Variants in TMEM220 observed in about 807,000 individuals in gnomAD.
The protein encoded by TMEM220 is transmembrane protein 220.
A neutral mutation model predicts 21.7 loss-of-function variants in TMEM220; 21 were observed. That is an observed-to-expected ratio of 0.97 (90% CI 0.69 to 1.39). The LOEUF (loss-of-function observed/expected upper bound fraction) is 1.39. Ranked by LOEUF, TMEM220 falls within the 40% of genes most tolerant of loss-of-function variation. The pLI is 0.00. For synonymous variants in TMEM220, 80 were observed against 73.6 expected (o/e 1.09, Z -0.45); for missense variants, 191 against 201.9 (o/e 0.95, Z 0.33).
intron 1 of TMEM220, 120 bp from the exon 2 acceptor site, chr17:10,729,180 G>C (rs1222547006): frequency 8.6e-7 from 1 of 1,164,416 alleles, no homozygotes; most frequent in African/African-American, 1.5e-5. Context: ...TAGGCATCGA[G>C]GGTACAAAAT....
In TMEM220 at chr17:10,729,840, C is replaced by CG; in HGVS notation, c.11dup (p.Leu5AlafsTer23). 1 of 1,376,040 alleles carries CG rather than the reference C, an allele frequency of 7.3e-7. No individual in the cohort carries two copies. Among genetic ancestry groups the CG allele is most frequent in the Non-Finnish European group, 9.5e-7 (1 of 1,056,498 alleles). The allele number at this position is 1,376,040 out of a possible 1,614,324, so 85.2% of individuals were successfully genotyped here. A position where few individuals can be genotyped will look rare whatever the true frequency, so the allele number is the denominator to read the frequency against. On this transcript the variant is annotated frameshift_variant, in exon 1 of 6. Transcript: ENST00000341871. LOFTEE classifies it high-confidence loss of function. ...TGAGTCCGTTGCAGGCCCGCCACAG[C>CG]GCTGGCGCCATGGCTCGGAGAACAC...
At chr17:10,727,500 G>C (rs2075061683) in intron 2 of TMEM220, among the ~76,000 whole-genome samples, 1 of 152,204 alleles carries the variant, frequency 6.6e-6, no homozygotes, top group South Asian at 2.1e-4. Flanking sequence ...CTGAGGAGCA[G>C]TGTGACATGC....
chr17:10,718,976 G>A (rs1464374643), intron 5 of TMEM220, among the ~76,000 whole-genome samples: 7 of 152,146 alleles, frequency 4.6e-5, no homozygotes, highest in Non-Finnish European at 1.0e-4. Context: ...TTGTTTGTTA[G>A]TAACTGAGAG....
chr17:10,720,281 T>C (rs2074972148), intron 5 of TMEM220, among the ~76,000 whole-genome samples: 1 of 152,222 alleles, frequency 6.6e-6, no homozygotes, highest in Non-Finnish European at 1.5e-5. Context: ...CAGCACTATT[T>C]TTAATAGCAA....
At chr17:10,723,901 A>G (rs2075020695) in intron 4 of TMEM220, among the ~76,000 whole-genome samples, 1 of 152,202 alleles carries the variant, frequency 6.6e-6, no homozygotes, top group Admixed American at 6.5e-5. Context: ...TACATAGAAT[A>G]AAAAACAATC....
intron 5 of TMEM220, among the ~76,000 whole-genome samples, chr17:10,719,901 T>C (rs1486077200): frequency 6.6e-6 from 1 of 152,198 alleles, no homozygotes; most frequent in African/African-American, 2.4e-5. Flanking sequence ...TAAACCTACA[T>C]TGCTCAGAGA....
chr17:10,723,963 T>G (rs1010550154), intron 4 of TMEM220, among the ~76,000 whole-genome samples: 2 of 152,228 alleles, frequency 1.3e-5, no homozygotes, highest in Non-Finnish European at 2.9e-5. Context: ...CTATAACCCA[T>G]GGGCTTCATG....
chr17:10,726,137 G>T, intron 3 of TMEM220, 67 bp downstream of exon 3: 2 of 1,364,462 alleles, frequency 1.5e-6, no homozygotes, highest in Non-Finnish European at 2.1e-6. Context: ...GAGTTGGGCA[G>T]ATAGACCCTC....
intron 5 of TMEM220, among the ~76,000 whole-genome samples, chr17:10,720,618 A>G (rs942794737): frequency 1.3e-4 from 19 of 151,932 alleles, no homozygotes; most frequent in Admixed American, 9.2e-4. Context: ...TATAGATTTG[A>G]CTTTTGAGCC....
At position 10,715,511 on chromosome 17, in the gene TMEM220, A is replaced by AT; in HGVS notation, c.424dup (p.Ile142AsnfsTer4). The AT allele has an allele frequency of 6.2e-7, 1 of 1,606,620 alleles. No homozygotes were observed. The highest frequency in any genetic ancestry group is 8.5e-7 in the Non-Finnish European group (1 of 1,178,340). On this transcript the variant is annotated frameshift_variant, in exon 6 of 6. Transcript: ENST00000341871. LOFTEE classifies it high-confidence loss of function. ...GGACCGCATTTCCTTGTTAATATAT[A>AT]TGTAGACCCATGAGATAAATGGGAA...
chr17:10,711,423 A>T (rs1342213490), downstream of TMEM220, among the ~76,000 whole-genome samples: 1 of 151,856 alleles, frequency 6.6e-6, no homozygotes, highest in South Asian at 2.1e-4. Context: ...GCCCTACCTG[A>T]TTTTTTTTAA....
In TMEM220 at chr17:10,715,533, G is replaced by C; in HGVS notation, c.403C>G (p.Pro135Ala). ...TATATGTAGACCCATGAGATAAATG[G>C]GAAAAGTGTGATTACAATGGCAATA... The part of the protein sequence containing the change: ...LAIAIVITLF[P>A]FISWVYIYIN... The change falls in exon 6 of 6, where the codon CCA becomes GCA. Residue 135 changes from proline to alanine, a missense_variant. Pro to Ala is a conservative substitution (Grantham distance 27). Transcript: ENST00000341871. The C allele has an allele frequency of 6.2e-7, 1 of 1,603,804 alleles. No individual in the cohort carries two copies. Among genetic ancestry groups the C allele is most frequent in the Non-Finnish European group, 8.5e-7 (1 of 1,177,382 alleles).
rs1032564658 is a variant in TMEM220 at position 10,716,367 on chromosome 17, C to T, written c.348-779G>A. Reference sequence around the variant, plus strand: ...CCATCATACTTTTATGTACATAAGCCTCTTTTCTGATCATGACATCATTCT... The same window carrying T: ...CCATCATACTTTTATGTACATAAGCTTCTTTTCTGATCATGACATCATTCT... On this transcript the variant is annotated intron_variant, in intron 5 of 5. Coordinates refer to ENST00000341871, the MANE Select transcript of TMEM220 (RefSeq NM_001004313.3). The T allele has an allele frequency of 1.3e-4, 85 of 642,624 alleles. No individual in the cohort carries two copies. In the Admixed American group the frequency reaches 1.6e-3, roughly 12 times the overall value. 39.8% of individuals were successfully genotyped at this position (642,624 alleles called of 1,614,324 possible). A position where few individuals can be genotyped will look rare whatever the true frequency, so the allele number is the denominator to read the frequency against.
Position 10,716,675 on chromosome 17 carries a change from G to T in TMEM220, c.348-1087C>A, listed in dbSNP as rs141035025. Reference sequence around the variant, plus strand: ...GGGGTTGTTTCACTTTTTTCCAAATGGACATTGAATTTATCCTAGCCTATT... The same window carrying T: ...GGGGTTGTTTCACTTTTTTCCAAATTGACATTGAATTTATCCTAGCCTATT... On this transcript the variant is annotated intron_variant, in intron 5 of 5. Coordinates refer to ENST00000341871, the MANE Select transcript of TMEM220 (RefSeq NM_001004313.3). 5.5e-4 allele frequency among the ~76,000 whole-genome samples: 83 copies of T among 152,274 alleles called. No homozygotes were observed. The East Asian group carries it at 5.6e-3, about 10-fold the overall frequency.
rs201505848 is a variant in TMEM220, at chr17:10,728,047, T to C, written c.102+984A>G. Reference sequence around the variant, plus strand: ...TGGTGGCGCATGCCTGTAATCCCAGTTACTTGGGACACTGAGGCAGAAGAA... The same window carrying C: ...TGGTGGCGCATGCCTGTAATCCCAGCTACTTGGGACACTGAGGCAGAAGAA... On this transcript the variant is annotated intron_variant, in intron 2 of 5. Coordinates refer to ENST00000341871, the MANE Select transcript of TMEM220 (RefSeq NM_001004313.3). Among the ~76,000 whole-genome samples, 680 of 151,880 alleles carry C rather than the reference T, an allele frequency of 4.5e-3. 1 individual carries two copies. Among genetic ancestry groups the C allele is most frequent in the East Asian group, 0.022 (114 of 5,122 alleles).
chr17:10,726,228 C>T lies in TMEM220; in HGVS notation c.139G>A (p.Val47Ile). Residue 47 changes from valine (V) to isoleucine (I), a missense_variant, in exon 3 of 6, where the codon GTT (valine) becomes ATT (isoleucine). Physicochemically the swap from Val to Ile is conservative, Grantham distance 29 (BLOSUM62 3). Coordinates refer to ENST00000341871, the MANE Select transcript of TMEM220 (RefSeq NM_001004313.3). ...YTIPAVLTLL[V>I]GLNPEVTGNV... ...CCTGTGACTTCAGGGTTAAGTCCAA[C>T]AAGCAGGGTCAGTACTGCAGGGATT... The T allele has an allele frequency of 6.2e-7, 1 of 1,614,126 alleles. No individual in the cohort carries two copies. Among genetic ancestry groups the T allele is most frequent in the South Asian group, 1.1e-5 (1 of 91,084 alleles).
chr17:10,728,282 T>A lies in TMEM220; in HGVS notation c.102+749A>T, dbSNP rs555416806. Among the ~76,000 whole-genome samples the A allele has an allele frequency of 2.2e-4, 33 of 151,470 alleles. 1 individual carries two copies. The highest frequency in any genetic ancestry group is 7.0e-4 in the African/African-American group (29 of 41,338). On this transcript the variant is annotated intron_variant, in intron 2 of 5. Coordinates refer to ENST00000341871, the MANE Select transcript of TMEM220 (RefSeq NM_001004313.3). ...TAGGTTTTACAGGATTTAATACTTT[T>A]CTTTGCTTTTTTTTTTTCTTTTTTT...
chr17:10,711,141 T>C (rs140005480), downstream of TMEM220: 142 of 1,593,662 alleles, frequency 8.9e-5, no homozygotes, highest in African/African-American at 1.8e-3. Context: ...CCTTCCATTG[T>C]TAGTCTAATT....
intron 3 of TMEM220, 69 bp from the exon 4 acceptor site, chr17:10,725,203 T>C: frequency 2.5e-6 from 4 of 1,590,694 alleles, no homozygotes; most frequent in Non-Finnish European, 3.4e-6. Flanking sequence ...ATGATCTTTT[T>C]GTATGTTTTG....
Sources: gnomAD v4.1 joint callset for allele counts (sites outside exome capture counted in the v4.1 genomes callset) on GRCh38, gnomAD v4.1.1 for gene constraint, MANE v1.5 for transcripts, NCBI Gene and HGNC (gene_info 2026-07-23, HGNC 2026-07-21) for gene names.